Variants in SCTR observed in about 807,000 individuals in gnomAD.
SCTR encodes the protein secretin receptor.
SCTR carries 56 observed loss-of-function variants against 60.8 expected under a neutral mutation model. That is an observed-to-expected ratio of 0.92 (90% CI 0.74 to 1.15). SCTR has a LOEUF of 1.15. Among genes scored for constraint, SCTR ranks in the 50% most tolerant of loss-of-function variants. The probability of loss-of-function intolerance (pLI) is 0.00; values close to 1 mark genes in which losing one functional copy is unlikely to be tolerated. For missense variants in SCTR, 562 were observed against 550.4 expected (o/e 1.02, Z -0.21); for synonymous variants, 202 against 217.0 (o/e 0.93, Z 0.61).
rs180839584 is a variant in SCTR at position 119,479,998 on chromosome 2, G to A, written c.194-1080C>T. ...GGGTGTCAGGTCTTTTATTGTCTTC[G>A]AGCTACACTGCAACTCTGTAAGTTC... On this transcript the variant is annotated intron_variant, in intron 2 of 12. Coordinates refer to ENST00000019103, the MANE Select transcript of SCTR (RefSeq NM_002980.3). 67 of 152,248 alleles carry A rather than the reference G, an allele frequency of 4.4e-4. 1 individual carries two copies. The highest frequency in any genetic ancestry group is 1.4e-3 in the African/African-American group (60 of 41,540). 9.4% of individuals were successfully genotyped at this position (152,248 alleles called of 1,614,324 possible).
Position 119,448,762 on chromosome 2 carries a change from T to G in SCTR, c.940A>C (p.Ile314Leu). 6.3e-7 allele frequency: 1 copy of G among 1,590,966 alleles called. No homozygotes were observed. The highest frequency in any genetic ancestry group is 8.6e-7 in the Non-Finnish European group (1 of 1,159,016). The change falls in exon 10 of 13, where the codon ATA becomes CTA. Residue 314 changes from isoleucine (I) to leucine (L), a missense_variant. Physicochemically the swap from Ile to Leu is conservative, Grantham distance 5. Transcript: ENST00000019103. The stretch of plus-strand genomic sequence containing the variant: ...CTCATCAGGATTCTTAGAATGTTTA[T>G]GAAAAGGATGAAATTAATCTGCAAA... ...LSILINFILF[I>L]NILRILMRKL...
intron 1 of SCTR, among the ~76,000 whole-genome samples, chr2:119,498,979 T>C (rs1028584857): frequency 6.6e-6 from 1 of 151,986 alleles, no homozygotes; most frequent in Admixed American, 6.6e-5. Context: ...ATACACTGTC[T>C]ACAAGAAACT....
At chr2:119,478,100 C>T (rs1677415902) in intron 3 of SCTR, among the ~76,000 whole-genome samples, 1 of 152,182 alleles carries the variant, frequency 6.6e-6, no homozygotes, top group Non-Finnish European at 1.5e-5. Flanking sequence ...GTTCAGGCTT[C>T]ATCTGGCAGC....
chr2:119,524,354 TGAGCCACCC>T lies in SCTR; in HGVS notation c.-137_-129del, dbSNP rs1679386566. 5.4e-6 allele frequency: 3 copies of T among 554,602 alleles called. No homozygotes were observed. In the Admixed American group the frequency reaches 1.3e-4, roughly 25 times the overall value. 34.4% of individuals were successfully genotyped at this position (554,602 alleles called of 1,614,324 possible). On this transcript the variant is annotated 5_prime_UTR_variant, in exon 1 of 13. Coordinates refer to ENST00000019103, the MANE Select transcript of SCTR (RefSeq NM_002980.3). ...CCGCTGCGCCCCGAGGAGCCATGGC[TGAGCCACCC>T]GACCTGCGGCGGGCCCCGGGACTGC...
At chr2:119,515,545 G>T (rs1039851312) in intron 1 of SCTR, among the ~76,000 whole-genome samples, 2 of 152,132 alleles carry the variant, frequency 1.3e-5, no homozygotes, top group African/African-American at 4.8e-5. Context: ...AACAAAAAAG[G>T]CAGAGAAAGG....
intron 4 of SCTR, among the ~76,000 whole-genome samples, chr2:119,467,033 A>T (rs965822698): frequency 6.6e-6 from 1 of 152,148 alleles, no homozygotes; most frequent in African/African-American, 2.4e-5. Context: ...GCCACTTCAC[A>T]CTATTGGCTC....
intron 1 of SCTR, among the ~76,000 whole-genome samples, chr2:119,498,360 A>G (rs990188711): frequency 6.6e-6 from 1 of 152,182 alleles, no homozygotes; most frequent in African/African-American, 2.4e-5. Context: ...ACCCTAAAAG[A>G]ATGGCTAAAA....
chr2:119,484,249 G>A (rs1677764177), intron 2 of SCTR, among the ~76,000 whole-genome samples: 1 of 152,220 alleles, frequency 6.6e-6, no homozygotes. Flanking sequence ...AGCTGTGTGG[G>A]CAGGCAGATC....
chr2:119,521,843 A>C (rs186169186), intron 1 of SCTR, among the ~76,000 whole-genome samples: 2 of 152,296 alleles, frequency 1.3e-5, no homozygotes, highest in African/African-American at 4.8e-5. Flanking sequence ...GAAATATTCC[A>C]ACCAAAGTAG....
chr2:119,454,220 G>A (rs59763357), intron 7 of SCTR, among the ~76,000 whole-genome samples: 8 of 152,038 alleles, frequency 5.3e-5, no homozygotes, highest in Admixed American at 2.0e-4. Flanking sequence ...CAGGGCACCC[G>A]GTACCCAGGA....
rs184892930 is a variant in SCTR, at chr2:119,461,533, G to A, written c.790+314C>T. On this transcript the variant is annotated intron_variant, in intron 7 of 12. Coordinates refer to ENST00000019103, the MANE Select transcript of SCTR (RefSeq NM_002980.3). ...TCAAAACTAGTCTGACCAACAGGGC[G>A]AAACCCTGTCTCTACTAAAAATACA... is the stretch of plus-strand genomic sequence containing the variant. Among the ~76,000 whole-genome samples, 1,300 of 152,216 alleles carry A rather than the reference G, an allele frequency of 8.5e-3. 8 individuals are homozygous for A. The highest frequency in any genetic ancestry group is 0.015 in the Non-Finnish European group (1,014 of 68,008).
intron 4 of SCTR, among the ~76,000 whole-genome samples, chr2:119,466,884 A>G (rs1271806037): frequency 1.3e-5 from 2 of 152,026 alleles, no homozygotes; most frequent in Admixed American, 6.6e-5. Flanking sequence ...CTTAAATAAG[A>G]CCCCCAGAAC....
At chr2:119,452,551 G>A (rs952058106) in intron 8 of SCTR, among the ~76,000 whole-genome samples, 16 of 152,176 alleles carry the variant, frequency 1.1e-4, no homozygotes, top group Admixed American at 2.6e-4. Context: ...AGGAAAAATG[G>A]AACGTGTTAA....
intron 6 of SCTR, among the ~76,000 whole-genome samples, chr2:119,463,806 G>A (rs1449998665): frequency 5.3e-5 from 8 of 151,992 alleles, no homozygotes; most frequent in Admixed American, 4.6e-4. Flanking sequence ...TCTTCAGCTG[G>A]GAACTGGCAG....
intron 1 of SCTR, among the ~76,000 whole-genome samples, chr2:119,522,653 A>C (rs1679323975): frequency 6.7e-6 from 1 of 149,544 alleles, no homozygotes; most frequent in African/African-American, 2.5e-5. Flanking sequence ...TGTAGGCTGA[A>C]CCTCAGTCCT....
intron 7 of SCTR, among the ~76,000 whole-genome samples, chr2:119,460,101 C>A (rs1683542041): frequency 6.6e-6 from 1 of 151,708 alleles, no homozygotes; most frequent in Admixed American, 6.6e-5. Flanking sequence ...AGCAGGAGGG[C>A]TCAGCAAGCA....
chr2:119,463,807 G>C (rs940413227), intron 6 of SCTR, among the ~76,000 whole-genome samples: 6 of 152,086 alleles, frequency 3.9e-5, no homozygotes, highest in Non-Finnish European at 1.5e-5. Flanking sequence ...CTTCAGCTGG[G>C]AACTGGCAGA....
intron 2 of SCTR, chr2:119,485,811 C>A: frequency 6.5e-6 from 1 of 153,102 alleles, no homozygotes; most frequent in Non-Finnish European, 1.5e-5. Context: ...CCACTGCTCA[C>A]CCCCACTCAT....
chr2:119,499,641 A>G (rs1037248655), intron 1 of SCTR, among the ~76,000 whole-genome samples: 4 of 152,128 alleles, frequency 2.6e-5, no homozygotes, highest in African/African-American at 9.6e-5. Flanking sequence ...TTGAAAATGA[A>G]TCAATGTAAT....
Sources: allele counts gnomAD v4.1 joint callset (sites outside exome capture counted in the v4.1 genomes callset), GRCh38; gene constraint gnomAD v4.1.1; transcripts MANE v1.5; gene names NCBI Gene and HGNC (gene_info 2026-07-23, HGNC 2026-07-21).